POLQ: variants seen among roughly 807,000 people sequenced by gnomAD.
POLQ encodes epididymis secretory sperm binding protein.
In POLQ, 233 loss-of-function variants were observed where a neutral mutation model predicts 259.2. The ratio of observed to expected loss-of-function variants is 0.90; its 90% CI spans 0.81 to 1.00. The LOEUF (loss-of-function observed/expected upper bound fraction) is 1.00. Ranked by LOEUF, POLQ falls within the 50% of genes least tolerant of loss-of-function variation. The pLI is 0.00. For synonymous variants in POLQ, 1,025 were observed against 1,048.8 expected (o/e 0.98, Z 0.44); for missense variants, 2,871 against 3,051.6 (o/e 0.94, Z 1.39).
chr3:121,510,856 C>T (rs772691324), intron 10 of POLQ, among the ~76,000 whole-genome samples: 50 of 152,240 alleles, frequency 3.3e-4, no homozygotes, highest in Non-Finnish European at 6.6e-4. Flanking sequence ...GATGCCAAGG[C>T]GGGCAGATCA....
In POLQ at chr3:121,468,812, C is replaced by G. The variant is rs560631308; in HGVS notation, c.6719-381G>C. 2.0e-5 allele frequency among the ~76,000 whole-genome samples: 3 copies of G among 152,272 alleles called. No individual in the cohort carries two copies. In the South Asian group the frequency reaches 6.2e-4, roughly 32 times the overall value. On this transcript the variant is annotated intron_variant, in intron 22 of 29. Coordinates refer to ENST00000264233, the MANE Select transcript of POLQ (RefSeq NM_199420.4). ...GGATCTTAGGAGAAACAACCACTGA[C>G]GCTTCTAAAAACAACACTTTCAGAC...
rs745469469 is a variant in POLQ at position 121,483,442 on chromosome 3, T to C, written c.5914A>G (p.Lys1972Glu). Residue 1972 changes from lysine to glutamate, a missense_variant, in exon 18 of 30, where the codon AAA (lysine) becomes GAA (glutamate). Physicochemically the swap from Lys to Glu is moderately conservative, Grantham distance 56. This residue lies in a region of POLQ where 2,080 missense variants were observed against 2,126.0 expected (regional missense o/e 0.98). Transcript: ENST00000264233. ...VVIYDFIQSY[K>E]ILLLSCGISL... ...ATGCCACAAGAAAGAAGAAGAATTTTATAGCTCTGGATGAAGTCATAGATG... is the reference window on the plus strand; with the variant it reads ...ATGCCACAAGAAAGAAGAAGAATTTCATAGCTCTGGATGAAGTCATAGATG... The C allele has an allele frequency of 3.8e-6, 6 of 1,595,300 alleles. No homozygotes were observed. The highest frequency in any genetic ancestry group is 4.3e-6 in the Non-Finnish European group (5 of 1,174,356).
chr3:121,520,179 T>A, intron 8 of POLQ, 96 bp from the exon 9 acceptor site: 1 of 707,034 alleles, frequency 1.4e-6, no homozygotes, highest in Non-Finnish European at 2.4e-6. Context: ...TTCAAGCCTC[T>A]GAAGATTTTT....
intron 24 of POLQ, among the ~76,000 whole-genome samples, chr3:121,461,380 C>CA (rs771092930): frequency 2.6e-5 from 4 of 152,144 alleles, no homozygotes; most frequent in Non-Finnish European, 4.4e-5. Flanking sequence ...CAGCCAGGCA[C>CA]AGTGTCTCAT....
Position 121,489,287 on chromosome 3 carries a change from T to C in POLQ, c.3644A>G (p.Glu1215Gly), listed in dbSNP as rs1276464590. The C allele has an allele frequency of 6.2e-7, 1 of 1,613,696 alleles. No individual in the cohort carries two copies. The highest frequency in any genetic ancestry group is 8.5e-7 in the Non-Finnish European group (1 of 1,179,882). ...GACTGCTTCACAGGGCATTTGTCTC[T>C]CTATTATATTTTTCTGTTTGGTAAT... ...STITKQKNII[E>G]RQMPCEAVSS... The change falls in exon 16 of 30, where the codon GAG becomes GGG. Residue 1215 changes from glutamate (E) to glycine (G), a missense_variant. By Grantham distance (98) the Glu-to-Gly change is moderately conservative (BLOSUM62 -2). This residue lies in a region of POLQ where 2,080 missense variants were observed against 2,126.0 expected (regional missense o/e 0.98). Transcript: ENST00000264233.
intron 24 of POLQ, among the ~76,000 whole-genome samples, chr3:121,466,570 A>C (rs2047838603): frequency 6.6e-6 from 1 of 151,802 alleles, no homozygotes; most frequent in Admixed American, 6.6e-5. Flanking sequence ...CATGCTTGTA[A>C]TCCCAGCTAC....
chr3:121,487,198 T>G (rs2048018970), intron 16 of POLQ, 104 bp downstream of exon 16: 1 of 657,232 alleles, frequency 1.5e-6, no homozygotes, highest in South Asian at 2.3e-5. Context: ...ATACTACAAC[T>G]TGAATAGATT....
In POLQ at chr3:121,488,547, T is replaced by C. The variant is rs1453052194; in HGVS notation, c.4384A>G (p.Ile1462Val). ...QETVKPVILL[I>V]PQKRTPTGVE... is the part of the protein sequence containing the mutation. ...CCAGTGGGAGTTCTCTTTTGAGGAA[T>C]CAGAAGTATAACTGGTTTCACAGTT... is the stretch of plus-strand genomic sequence containing the variant. The change falls in exon 16 of 30, where the codon ATT becomes GTT. Residue 1462 changes from isoleucine to valine, a missense_variant. Ile to Val is a conservative substitution (Grantham distance 29). This residue lies in a region of POLQ where 2,080 missense variants were observed against 2,126.0 expected (regional missense o/e 0.98). Transcript: ENST00000264233. 3 of 1,611,588 alleles carry C rather than the reference T, an allele frequency of 1.9e-6. No homozygotes were observed. The highest frequency in any genetic ancestry group is 1.7e-6 in the Non-Finnish European group (2 of 1,179,418).
In POLQ at chr3:121,511,978, A is replaced by G; in HGVS notation, c.1520T>C (p.Leu507Pro). Residue 507 changes from leucine to proline, a missense_variant, in exon 10 of 30, where the codon CTC becomes CCC. Leu to Pro is a moderately conservative substitution (Grantham distance 98, BLOSUM62 -3). Around this residue, in one of 3 missense-constraint regions of POLQ, gnomAD observed 783 missense variants for 906.2 expected, o/e 0.86. Coordinates refer to ENST00000264233, the MANE Select transcript of POLQ (RefSeq NM_199420.4). ...AACAGGCTTTAGAGAACCCTGAAGG[A>G]GAGCTATGCCTTTTGATTTCTCAGA... The part of the protein sequence containing the change: ...KNSEKSKGIA[L>P]LQGSLKPVRS... 1 of 1,613,474 alleles carries G rather than the reference A, an allele frequency of 6.2e-7. No homozygotes were observed. The highest frequency in any genetic ancestry group is 8.5e-7 in the Non-Finnish European group (1 of 1,179,416).
intron 12 of POLQ, among the ~76,000 whole-genome samples, chr3:121,505,588 G>C (rs930167529): frequency 6.6e-6 from 1 of 152,124 alleles, no homozygotes; most frequent in Non-Finnish European, 1.5e-5. Context: ...GATAAAAGTT[G>C]CCATCTTGAG....
At chr3:121,498,859 C>T (rs1300078839) in intron 12 of POLQ, among the ~76,000 whole-genome samples, 189 bp from the exon 13 acceptor site, 1 of 152,124 alleles carries the variant, frequency 6.6e-6, no homozygotes, top group Non-Finnish European at 1.5e-5. Context: ...TATGACTGTG[C>T]CACTGCACTC....
At chr3:121,452,313 G>A (rs1029078603) in intron 25 of POLQ, among the ~76,000 whole-genome samples, 2 of 152,166 alleles carry the variant, frequency 1.3e-5, no homozygotes, top group Non-Finnish European at 1.5e-5. Context: ...CCAGTGAGAT[G>A]AACCTGGTAC....
intron 28 of POLQ, among the ~76,000 whole-genome samples, chr3:121,433,491 C>T (rs1202555635): frequency 1.3e-5 from 2 of 152,154 alleles, no homozygotes; most frequent in South Asian, 2.1e-4. Flanking sequence ...CGTGATAGAA[C>T]TGGTGCTTCC....
intron 27 of POLQ, 32 bp from the exon 28 acceptor site, chr3:121,436,307 G>T: frequency 6.2e-7 from 1 of 1,608,526 alleles, no homozygotes; most frequent in Non-Finnish European, 8.5e-7. Context: ...TGCTCCACCA[G>T]ATATGCCAAC....
In POLQ at chr3:121,485,145, A is replaced by T; in HGVS notation, c.5669T>A (p.Phe1890Tyr). The change falls in exon 17 of 30, where the codon TTT becomes TAT. Residue 1890 changes from phenylalanine to tyrosine, a missense_variant. Phe to Tyr is a conservative substitution (Grantham distance 22). Around this residue, in one of 3 missense-constraint regions of POLQ, gnomAD observed 2,080 missense variants for 2,126.0 expected, o/e 0.98. Transcript: ENST00000264233. Reference protein sequence around the residue: ...PQEIPIRDDGFPIKGCDDTLV... With the variant: ...PQEIPIRDDGYPIKGCDDTLV... ...GGTGTCATCACAACCTTTAATGGGA[A>T]ATCCATCATCTCTAATAGGAATTTC... 1 of 1,609,498 alleles carries T rather than the reference A, an allele frequency of 6.2e-7. No homozygotes were observed. The highest frequency in any genetic ancestry group is 8.5e-7 in the Non-Finnish European group (1 of 1,176,878).
chr3:121,536,898 C>CTGGGATTACAG (rs1172576163), intron 5 of POLQ, among the ~76,000 whole-genome samples: 1 of 152,148 alleles, frequency 6.6e-6, no homozygotes, highest in African/African-American at 2.4e-5. Context: ...CCCACATCAG[C>CTGGGATTACAG]CTTCCAAAGT....
chr3:121,530,254 C>G (rs915871963), intron 6 of POLQ, among the ~76,000 whole-genome samples: 2 of 152,086 alleles, frequency 1.3e-5, no homozygotes, highest in South Asian at 4.1e-4. Flanking sequence ...ACTCTCAGCA[C>G]AGTATTCGTT....
intron 24 of POLQ, among the ~76,000 whole-genome samples, chr3:121,465,518 C>A (rs867410396): frequency 3.3e-5 from 5 of 152,040 alleles, no homozygotes; most frequent in African/African-American, 9.7e-5. Flanking sequence ...ACAGATATTG[C>A]AGGTTTTTTT....
intron 12 of POLQ, among the ~76,000 whole-genome samples, chr3:121,499,774 A>G (rs1576418488): frequency 6.6e-6 from 1 of 152,156 alleles, no homozygotes; most frequent in South Asian, 2.1e-4. Flanking sequence ...CACAGGGGGA[A>G]AAGCAGGCAA....
Sources: gnomAD v4.1 joint callset for allele counts (sites outside exome capture counted in the v4.1 genomes callset) on GRCh38, gnomAD v4.1.1 for gene constraint, gnomAD v4.1.1 regional missense constraint, MANE v1.5 for transcripts, NCBI Gene and HGNC (gene_info 2026-07-23, HGNC 2026-07-21) for gene names.